GET3: variants seen among roughly 807,000 people sequenced by gnomAD.
GET3 encodes the protein guided entry of tail-anchored proteins factor 3, ATPase, also known as ATPase GET3.
In GET3, 15 loss-of-function variants were observed where a neutral mutation model predicts 32.4. That is an observed-to-expected ratio of 0.46 (90% CI 0.31 to 0.71). The LOEUF (loss-of-function observed/expected upper bound fraction) is 0.71, where lower values mean the gene tolerates loss of function less well. Ranked by LOEUF, GET3 falls within the 30% of genes least tolerant of loss-of-function variation. The pLI, the probability that GET3 is intolerant of heterozygous loss-of-function variation, is 0.05. For synonymous variants in GET3, 198 were observed against 185.6 expected (o/e 1.07, Z -0.54); for missense variants, 333 against 459.0 (o/e 0.73, Z 2.51).
At position 12,748,006 on chromosome 19, in the gene GET3, A is replaced by C; in HGVS notation, c.949A>C (p.Lys317Gln). 2 of 1,611,044 alleles carry C rather than the reference A, an allele frequency of 1.2e-6. No individual in the cohort carries two copies. The highest frequency in any genetic ancestry group is 1.7e-6 in the Non-Finnish European group (2 of 1,177,868). ...EDLYEDFHIV[K>Q]LPLLPHEVRG... ...CCTGTATGAAGACTTCCACATCGTG[A>C]AGCTGCCGCTGTTACCCCATGAGGT... Residue 317 changes from lysine to glutamine, a missense_variant, in exon 7 of 7, where the codon AAG (lysine) becomes CAG (glutamine). Lys to Gln is a moderately conservative substitution (Grantham distance 53, BLOSUM62 1). Transcript: ENST00000357332.
rs1967813318 is a variant in GET3, at chr19:12,748,281, C to T, written c.*177C>T. 1 of 532,846 alleles carries T rather than the reference C, an allele frequency of 1.9e-6. No homozygotes were observed. Among genetic ancestry groups the T allele is most frequent in the African/African-American group, 1.9e-5 (1 of 52,202 alleles). The allele number at this position is 532,846 out of a possible 1,614,324, so 33.0% of individuals were successfully genotyped here. A position where few individuals can be genotyped will look rare whatever the true frequency, so the allele number is the denominator to read the frequency against. Reference sequence around the variant, plus strand: ...GGTGGGGAGCTGTAGTTGCCCCCTACCTCTCCCACCTCTTGCTCTTCAATA... The same window carrying T: ...GGTGGGGAGCTGTAGTTGCCCCCTATCTCTCCCACCTCTTGCTCTTCAATA... On this transcript the variant is annotated 3_prime_UTR_variant, in exon 7 of 7. Coordinates refer to ENST00000357332, the MANE Select transcript of GET3 (RefSeq NM_004317.4).
intron 1 of GET3, among the ~76,000 whole-genome samples, chr19:12,738,286 T>C (rs1190536687): frequency 6.6e-6 from 1 of 152,108 alleles, no homozygotes; most frequent in Non-Finnish European, 1.5e-5. Context: ...ACAGACTCAG[T>C]CAGCTGAACC....
At position 12,737,556 on chromosome 19, in the gene GET3, T is replaced by C. The variant is rs766743524; in HGVS notation, c.51T>C (p.Asp17=). 52 of 1,605,192 alleles carry C rather than the reference T, an allele frequency of 3.2e-5. No homozygotes were observed. Among genetic ancestry groups the C allele is most frequent in the Non-Finnish European group, 4.3e-5 (51 of 1,176,384 alleles). Residue 17 remains aspartate (D), a synonymous_variant, in exon 1 of 7, where the codon GAT becomes GAC. Transcript: ENST00000357332. ...GWGVEAEEFE[D]APDVEPLEPT... is the part of the protein sequence containing the mutation. ...GGGTTGAGGCAGAGGAGTTCGAAGA[T>C]GCTCCTGATGTGGAGCCGCTGGAGC...
rs936687359 is a variant in GET3 at position 12,745,286 on chromosome 19, C to G, written c.310-91C>G. On this transcript the variant is annotated intron_variant, in intron 2 of 6. Transcript: ENST00000357332. The surrounding 1 kb of genome is among the most constrained non-coding windows in gnomAD (Gnocchi z 5.0). ...CACAGGCTCCCTCTGGCCCTGTGCC[C>G]GGGTAGGAAGGCTCCCCCTGGCCCT... 1.9e-5 allele frequency: 29 copies of G among 1,500,010 alleles called. No individual in the cohort carries two copies. The highest frequency in any genetic ancestry group is 5.6e-5 in the Admixed American group (3 of 53,906). 92.9% of individuals were successfully genotyped at this position (1,500,010 alleles called of 1,614,324 possible).
At chr19:12,737,330 G>A (rs1225567682), upstream of GET3, 1 of 955,226 alleles carries the variant, frequency 1.0e-6, no homozygotes, top group Non-Finnish European at 1.5e-6. Flanking sequence ...ACCAGAGGTT[G>A]ACAAAGTGAA....
At position 12,745,063 on chromosome 19, in the gene GET3, T is replaced by A. The variant is rs1052692495; in HGVS notation, c.310-314T>A. 1.3e-5 allele frequency among the ~76,000 whole-genome samples: 2 copies of A among 151,950 alleles called. No individual in the cohort carries two copies. Among genetic ancestry groups the A allele is most frequent in the Middle Eastern group, 3.4e-3 (1 of 294 alleles). ...GGCCCAGTCATGGGAGTATCTGGGG[T>A]TGCAAGTGGCAGGTTGCAAGTGGGG... On this transcript the variant is annotated intron_variant, in intron 2 of 6. Transcript: ENST00000357332. This position sits in a 1 kb window ranked among gnomAD's most constrained non-coding sequence, Gnocchi z 5.0.
intron 2 of GET3, among the ~76,000 whole-genome samples, chr19:12,744,567 G>A (rs1156902566): frequency 1.3e-5 from 2 of 152,142 alleles, no homozygotes; most frequent in African/African-American, 4.8e-5. Flanking sequence ...TGATCTGCCC[G>A]CCTCCGCTTC....
At position 12,747,723 on chromosome 19, in the gene GET3, C is replaced by A; in HGVS notation, c.915+131C>A. 7.9e-7 allele frequency: 1 copy of A among 1,266,862 alleles called. No homozygotes were observed. Among genetic ancestry groups the A allele is most frequent in the Non-Finnish European group, 1.1e-6 (1 of 922,970 alleles). 78.5% of individuals were successfully genotyped at this position (1,266,862 alleles called of 1,614,324 possible). A position where few individuals can be genotyped will look rare whatever the true frequency, so the allele number is the denominator to read the frequency against. On this transcript the variant is annotated intron_variant, in intron 6 of 6. Coordinates refer to ENST00000357332, the MANE Select transcript of GET3 (RefSeq NM_004317.4). The surrounding 1 kb of genome is among the most constrained non-coding windows in gnomAD (Gnocchi z 4.0). ...TTGCCCCCACATTTCAGATCCTTCA[C>A]CCTTATTCCGGCCATAGAGGACTGT... is the stretch of plus-strand genomic sequence containing the variant.
intron 4 of GET3, among the ~76,000 whole-genome samples, chr19:12,746,268 G>A (rs1967769222): frequency 6.6e-6 from 1 of 152,162 alleles, no homozygotes; most frequent in South Asian, 2.1e-4. Flanking sequence ...AAGTAGCTGG[G>A]ACTACAGACA....
chr19:12,746,505 G>A (rs752133724), intron 4 of GET3, among the ~76,000 whole-genome samples: 5 of 152,196 alleles, frequency 3.3e-5, no homozygotes, highest in Non-Finnish European at 7.3e-5. Flanking sequence ...CACCCACCAT[G>A]GTGTATGTGC....
At position 12,737,524 on chromosome 19, in the gene GET3, G is replaced by T. The variant is rs780102787; in HGVS notation, c.19G>T (p.Gly7Trp). Reference sequence around the variant, plus strand: ...TTCCAAAATGGCGGCAGGGGTGGCCGGGTGGGGGGTTGAGGCAGAGGAGTT... The same window carrying T: ...TTCCAAAATGGCGGCAGGGGTGGCCTGGTGGGGGGTTGAGGCAGAGGAGTT... MAAGVAGWGVEAEEFED... is the reference protein window; with the variant it reads MAAGVAWWGVEAEEFED... Residue 7 changes from glycine to tryptophan, a missense_variant, in exon 1 of 7, where the codon GGG becomes TGG. Transcript: ENST00000357332. 1 of 1,565,910 alleles carries T rather than the reference G, an allele frequency of 6.4e-7. No homozygotes were observed. The highest frequency in any genetic ancestry group is 2.0e-5 in the Admixed American group (1 of 50,780).
intron 4 of GET3, among the ~76,000 whole-genome samples, chr19:12,746,145 T>C (rs769968440): frequency 3.3e-5 from 5 of 152,132 alleles, no homozygotes; most frequent in Non-Finnish European, 7.3e-5. Context: ...ATTATTATTA[T>C]TATTCGAGAC....
At position 12,747,119 on chromosome 19, in the gene GET3, C is replaced by A. The variant is rs746144557; in HGVS notation, c.610-78C>A. On this transcript the variant is annotated intron_variant, in intron 4 of 6. Coordinates refer to ENST00000357332, the MANE Select transcript of GET3 (RefSeq NM_004317.4). This position sits in a 1 kb window ranked among gnomAD's most constrained non-coding sequence, Gnocchi z 4.0. Reference sequence around the variant, plus strand: ...ACCACTGGGAGGTATCAGGAGTCATCCCTCGGGTGTTTAGTGAACCCCCAA... The same window carrying A: ...ACCACTGGGAGGTATCAGGAGTCATACCTCGGGTGTTTAGTGAACCCCCAA... 1.5e-5 allele frequency: 18 copies of A among 1,227,414 alleles called. No individual in the cohort carries two copies. The highest frequency in any genetic ancestry group is 2.1e-5 in the Non-Finnish European group (18 of 869,756). The allele number at this position is 1,227,414 out of a possible 1,614,324, so 76.0% of individuals were successfully genotyped here. A position where few individuals can be genotyped will look rare whatever the true frequency, so the allele number is the denominator to read the frequency against.
At position 12,742,343 on chromosome 19, in the gene GET3, T is replaced by C. The variant is rs181595782; in HGVS notation, c.310-3034T>C. Among the ~76,000 whole-genome samples, 909 of 151,696 alleles carry C rather than the reference T, an allele frequency of 6.0e-3. 8 individuals are homozygous for C. Among genetic ancestry groups the C allele is most frequent in the African/African-American group, 0.021 (848 of 41,320 alleles). ...ACCTCCTGAGTTTAAGCGATTCTCC[T>C]GCCTCAGCCTCCCAAGTAGCTGTGA... On this transcript the variant is annotated intron_variant, in intron 2 of 6. Transcript: ENST00000357332.
chr19:12,740,985 G>C (rs1967657461), intron 2 of GET3, among the ~76,000 whole-genome samples: 1 of 152,230 alleles, frequency 6.6e-6, no homozygotes, highest in South Asian at 2.1e-4. Context: ...GGGGGAACCA[G>C]AATTGTCTGG....
In GET3 at chr19:12,745,399, T is replaced by C. The variant is rs1967751025; in HGVS notation, c.332T>C (p.Val111Ala). ...CAGGAGATTGACCCCAGCCTGGGCG[T>C]GGCGGAGCTGCCTGACGAGTTCTTC... ...FAMEIDPSLG[V>A]AELPDEFFEE... Residue 111 changes from valine (V) to alanine (A), a missense_variant, in exon 3 of 7, where the codon GTG (valine) becomes GCG (alanine). By Grantham distance (64) the Val-to-Ala change is moderately conservative. Transcript: ENST00000357332. This position sits in a 1 kb window ranked among gnomAD's most constrained non-coding sequence, Gnocchi z 5.0. 6.2e-7 allele frequency: 1 copy of C among 1,611,466 alleles called. No homozygotes were observed. The highest frequency in any genetic ancestry group is 1.7e-5 in the Admixed American group (1 of 59,994).
chr19:12,737,791 T>C, intron 1 of GET3, 125 bp downstream of exon 1: 1 of 1,273,670 alleles, frequency 7.9e-7, no homozygotes, highest in Non-Finnish European at 1.0e-6. Flanking sequence ...TGGGTTTCAC[T>C]CTCTGGAAGT....
Position 12,748,124 on chromosome 19 carries a change from C to T in GET3, c.*20C>T, listed in dbSNP as rs370735662. The stretch of plus-strand genomic sequence containing the variant: ...CAGTAGCACAGCTGCCAGCCCCAAC[C>T]GCTGCCATTTCACACTCACCCTCCA... On this transcript the variant is annotated 3_prime_UTR_variant, in exon 7 of 7. Coordinates refer to ENST00000357332, the MANE Select transcript of GET3 (RefSeq NM_004317.4). The T allele has an allele frequency of 7.7e-5, 120 of 1,563,440 alleles. No individual in the cohort carries two copies. The highest frequency in any genetic ancestry group is 2.0e-4 in the Middle Eastern group (1 of 5,128).
Position 12,737,514 on chromosome 19 carries a change from A to T in GET3, c.9A>T (p.Ala3=). Residue 3 remains alanine (A), a synonymous_variant, in exon 1 of 7, where the codon GCA becomes GCT. Coordinates refer to ENST00000357332, the MANE Select transcript of GET3 (RefSeq NM_004317.4). ...CGTGAGCCAGTTCCAAAATGGCGGC[A>T]GGGGTGGCCGGGTGGGGGGTTGAGG... MA[A]GVAGWGVEAE... is the part of the protein sequence containing the mutation. 1.3e-6 allele frequency: 2 copies of T among 1,554,358 alleles called. No individual in the cohort carries two copies. The highest frequency in any genetic ancestry group is 4.9e-5 in the East Asian group (2 of 41,212).
Sources: gnomAD v4.1 joint callset for allele counts (sites outside exome capture counted in the v4.1 genomes callset) on GRCh38, gnomAD v4.1.1 for gene constraint, Gnocchi (gnomAD v3.1) non-coding constraint, MANE v1.5 for transcripts, NCBI Gene and HGNC (gene_info 2026-07-23, HGNC 2026-07-21) for gene names.